The following ARHGAP15 variants were observed in gnomAD, a reference collection of about 807,000 sequenced individuals.
ARHGAP15 encodes the protein Rho GTPase activating protein 15.
A neutral mutation model predicts 63.7 loss-of-function variants in ARHGAP15; 51 were observed. The observed-to-expected ratio is 0.80, with a 90% confidence interval of 0.64 to 1.01. The LOEUF (loss-of-function observed/expected upper bound fraction) is 1.01, where lower values mean the gene tolerates loss of function less well. Among genes scored for constraint, ARHGAP15 ranks in the 50% least tolerant of loss-of-function variants. ARHGAP15 has a pLI of 0.00. For synonymous variants in ARHGAP15, 191 were observed against 193.8 expected, an observed-to-expected ratio of 0.99 and a Z score of 0.12; for missense variants, 560 against 564.6, an observed-to-expected ratio of 0.99 and a Z score of 0.08.
At chr2:143,247,711 C>CA (rs1373159234) in intron 5 of ARHGAP15, among the ~76,000 whole-genome samples, 1 of 152,152 alleles carries the variant, frequency 6.6e-6, no homozygotes, top group Non-Finnish European at 1.5e-5. Context: ...GAGCCCAGCA[C>CA]AGTGGGTAAC....
chr2:143,723,894 G>A (rs1559145812), intron 13 of ARHGAP15, among the ~76,000 whole-genome samples: 1 of 152,158 alleles, frequency 6.6e-6, no homozygotes, highest in African/African-American at 2.4e-5. Flanking sequence ...ACAGTGCTGT[G>A]TGCATCTGCC....
Position 143,229,668 on chromosome 2 carries a change from C to A in ARHGAP15, c.384+1000C>A, listed in dbSNP as rs537780553. On this transcript the variant is annotated intron_variant, in intron 5 of 13. Coordinates refer to ENST00000295095, the MANE Select transcript of ARHGAP15 (RefSeq NM_018460.4). The stretch of plus-strand genomic sequence containing the variant: ...GGGGTCGCCTGGCAGGAGTTACCCA[C>A]AATGAACTAATTTGTATTTGACAGG... Among the ~76,000 whole-genome samples, 10 of 152,244 alleles carry A rather than the reference C, an allele frequency of 6.6e-5. No individual in the cohort carries two copies. In the East Asian group the frequency reaches 1.9e-3, roughly 29 times the overall value.
At chr2:143,573,794 C>T (rs1368321780) in intron 11 of ARHGAP15, among the ~76,000 whole-genome samples, 2 of 152,090 alleles carry the variant, frequency 1.3e-5, no homozygotes, top group Admixed American at 6.6e-5. Context: ...TCTTCCTTTA[C>T]AAGAGGTAAC....
chr2:143,722,191 TCACACACA>T (rs139484994), intron 13 of ARHGAP15, among the ~76,000 whole-genome samples: 9 of 149,476 alleles, frequency 6.0e-5, no homozygotes, highest in African/African-American at 2.0e-4. Context: ...ACACACACAC[TCACACACA>T]CACACACGGC....
chr2:143,242,719 A>G (rs1693910866), intron 5 of ARHGAP15, among the ~76,000 whole-genome samples: 1 of 152,218 alleles, frequency 6.6e-6, no homozygotes, highest in South Asian at 2.1e-4. Context: ...CCCACATCTT[A>G]TAATCAAAGT....
chr2:143,534,677 G>A (rs1473644821), intron 10 of ARHGAP15, among the ~76,000 whole-genome samples: 7 of 152,040 alleles, frequency 4.6e-5, no homozygotes, highest in African/African-American at 7.2e-5. Flanking sequence ...TGAGGAGTTC[G>A]AGATCAACCT....
intron 6 of ARHGAP15, among the ~76,000 whole-genome samples, chr2:143,395,022 T>C (rs184901503): frequency 4.7e-4 from 71 of 152,276 alleles, no homozygotes; most frequent in African/African-American, 1.6e-3. Context: ...AAAGACACTG[T>C]CTTTCTGGAT....
chr2:143,397,314 GTA>G (rs1233009242), intron 6 of ARHGAP15, among the ~76,000 whole-genome samples: 21 of 106,528 alleles, frequency 2.0e-4, no homozygotes, highest in Admixed American at 1.8e-3. Flanking sequence ...TATGAGATAT[GTA>G]TGTGTGTGTG....
At chr2:143,422,735 CAGTG>C (rs1181259682) in intron 6 of ARHGAP15, among the ~76,000 whole-genome samples, 1 of 152,004 alleles carries the variant, frequency 6.6e-6, no homozygotes, top group Non-Finnish European at 1.5e-5. Flanking sequence ...TTAAAGAACT[CAGTG>C]AGGTGCAATG....
chr2:143,651,154 G>C (rs1301405512), intron 12 of ARHGAP15, among the ~76,000 whole-genome samples: 2 of 151,890 alleles, frequency 1.3e-5, no homozygotes, highest in Non-Finnish European at 2.9e-5. Context: ...CTATTGTTAT[G>C]TGTTCATTTT....
chr2:143,280,134 A>G (rs934908985), intron 6 of ARHGAP15, among the ~76,000 whole-genome samples: 2 of 152,192 alleles, frequency 1.3e-5, no homozygotes, highest in African/African-American at 2.4e-5. Flanking sequence ...TAGCTATATG[A>G]TTTACTGGAA....
chr2:143,194,749 G>A (rs1417581287), intron 2 of ARHGAP15, among the ~76,000 whole-genome samples: 1 of 152,036 alleles, frequency 6.6e-6, no homozygotes, highest in African/African-American at 2.4e-5. Context: ...AAAAACATAG[G>A]GGAAAGCTAA....
intron 11 of ARHGAP15, among the ~76,000 whole-genome samples, chr2:143,581,779 C>G (rs982675017): frequency 2.6e-5 from 4 of 152,184 alleles, no homozygotes; most frequent in Admixed American, 2.6e-4. Context: ...TCCGGCATCT[C>G]CCCCAACTTC....
chr2:143,397,693 A>C (rs1687832320), intron 6 of ARHGAP15, among the ~76,000 whole-genome samples: 1 of 152,166 alleles, frequency 6.6e-6, no homozygotes, highest in African/African-American at 2.4e-5. Context: ...AAACACTTTA[A>C]GAAAAACTGA....
chr2:143,164,222 T>C (rs1016943232), intron 2 of ARHGAP15, among the ~76,000 whole-genome samples: 1 of 152,070 alleles, frequency 6.6e-6, no homozygotes, highest in Non-Finnish European at 1.5e-5. Context: ...ATCCAGCCTT[T>C]GAATCCCCAT....
At chr2:143,603,760 A>G (rs1437913824) in intron 11 of ARHGAP15, among the ~76,000 whole-genome samples, 1 of 152,200 alleles carries the variant, frequency 6.6e-6, no homozygotes. Context: ...ATTCCCACCT[A>G]TCTGTGCTGC....
intron 10 of ARHGAP15, among the ~76,000 whole-genome samples, chr2:143,538,254 G>A (rs1364572013): frequency 1.3e-5 from 2 of 152,154 alleles, no homozygotes; most frequent in Non-Finnish European, 1.5e-5. Flanking sequence ...TGCTGAAGTT[G>A]CTTATCAGCT....
intron 6 of ARHGAP15, among the ~76,000 whole-genome samples, chr2:143,369,030 AC>A (rs770108311): frequency 3.9e-5 from 6 of 152,162 alleles, no homozygotes; most frequent in Non-Finnish European, 8.8e-5. Context: ...ACACATTCAG[AC>A]TTCCCAATGT....
intron 10 of ARHGAP15, among the ~76,000 whole-genome samples, chr2:143,547,983 A>G (rs1227183300): frequency 6.6e-6 from 1 of 152,058 alleles, no homozygotes; most frequent in Non-Finnish European, 1.5e-5. Context: ...ACAATGTAGA[A>G]CCACTAAGAA....
Sources: gnomAD v4.1 joint callset for allele counts (sites outside exome capture counted in the v4.1 genomes callset) on GRCh38, gnomAD v4.1.1 for gene constraint, MANE v1.5 for transcripts, NCBI Gene and HGNC (gene_info 2026-07-23, HGNC 2026-07-21) for gene names.